DPYD: variants seen among roughly 807,000 people sequenced by gnomAD.
The protein encoded by DPYD is dihydropyrimidine dehydrogenase [NADP(+)].
DPYD carries 109 observed loss-of-function variants against 116.2 expected under a neutral mutation model. The observed-to-expected ratio is 0.94, with a 90% CI of 0.80 to 1.10. The LOEUF is 1.10. Among genes scored for constraint, DPYD ranks in the 50% least tolerant of loss-of-function variants. DPYD has a pLI of 0.00. For missense variants in DPYD, 1,302 were observed against 1,254.5 expected, an observed-to-expected ratio of 1.04 and a Z score of -0.57; for synonymous variants, 440 against 432.0, an observed-to-expected ratio of 1.02 and a Z score of -0.23.
chr1:97,347,297 A>G (rs1669908176), intron 16 of DPYD, among the ~76,000 whole-genome samples: 1 of 151,962 alleles, frequency 6.6e-6, no homozygotes, highest in South Asian at 2.1e-4. Flanking sequence ...GTTCCTTCCT[A>G]TTCACAATTT....
intron 20 of DPYD, among the ~76,000 whole-genome samples, chr1:97,176,884 G>GTGTGTT (rs1311013223): frequency 7.6e-6 from 1 of 131,776 alleles, no homozygotes; most frequent in Non-Finnish European, 1.6e-5. Flanking sequence ...GTGTGTGTGT[G>GTGTGTT]TGTGTGTGTG....
At chr1:97,919,719 C>T (rs578156550) in intron 1 of DPYD, among the ~76,000 whole-genome samples, 1 of 152,182 alleles carries the variant, frequency 6.6e-6, no homozygotes, top group South Asian at 2.1e-4. Context: ...TATCATATTG[C>T]TCAATATCAA....
intron 20 of DPYD, among the ~76,000 whole-genome samples, chr1:97,116,907 G>A (rs1008240278): frequency 6.6e-6 from 1 of 151,534 alleles, no homozygotes; most frequent in African/African-American, 2.4e-5. Flanking sequence ...CTAGCACTTC[G>A]GGAGGCCGAG....
chr1:97,279,296 GA>G (rs373630909), intron 18 of DPYD, among the ~76,000 whole-genome samples: 160 of 151,838 alleles, frequency 1.1e-3, no homozygotes, highest in African/African-American at 3.6e-3. Context: ...TGACTTAGTA[GA>G]AAAAAAAGAA....
intron 8 of DPYD, among the ~76,000 whole-genome samples, chr1:97,647,153 T>C (rs1019923484): frequency 6.6e-6 from 1 of 152,080 alleles, no homozygotes; most frequent in African/African-American, 2.4e-5. Context: ...CCTAAAAAAA[T>C]GCATTTTTTG....
chr1:97,571,187 C>G (rs1366617799), intron 11 of DPYD, among the ~76,000 whole-genome samples: 1 of 151,714 alleles, frequency 6.6e-6, no homozygotes, highest in Non-Finnish European at 1.5e-5. Flanking sequence ...AAGTAAAAAG[C>G]TAGAGGAAGA....
At chr1:97,664,403 A>G (rs1407984109) in intron 8 of DPYD, among the ~76,000 whole-genome samples, 2 of 151,952 alleles carry the variant, frequency 1.3e-5, no homozygotes, top group Non-Finnish European at 2.9e-5. Flanking sequence ...GTGTACATAT[A>G]TATGTATAGC....
chr1:97,245,282 G>A (rs1662640858), intron 18 of DPYD, among the ~76,000 whole-genome samples: 3 of 152,060 alleles, frequency 2.0e-5, no homozygotes, highest in Non-Finnish European at 4.4e-5. Flanking sequence ...CAATTAGTCT[G>A]CAATATCACC....
chr1:97,545,665 GCAGGAGGTAAGATTAAAAA>G, intron 12 of DPYD: 1 of 670,960 alleles, frequency 1.5e-6, no homozygotes, highest in Non-Finnish European at 2.6e-6. Flanking sequence ...GAGTTACACA[GCAGGAGGTAAGATTAAAAA>G]CTGTGAAACT....
intron 7 of DPYD, among the ~76,000 whole-genome samples, chr1:97,687,433 A>T (rs1264024526): frequency 1.3e-5 from 2 of 152,182 alleles, no homozygotes; most frequent in African/African-American, 4.8e-5. Flanking sequence ...ATGAGATACC[A>T]TTTCACACCA....
At chr1:97,295,059 A>C (rs1357214836) in intron 18 of DPYD, among the ~76,000 whole-genome samples, 1 of 152,214 alleles carries the variant, frequency 6.6e-6, no homozygotes, top group Non-Finnish European at 1.5e-5. Context: ...AATGCCTAAA[A>C]GTTCATTTTG....
At chr1:97,200,165 T>C (rs561929998) in intron 19 of DPYD, among the ~76,000 whole-genome samples, 3 of 152,150 alleles carry the variant, frequency 2.0e-5, no homozygotes, top group East Asian at 3.9e-4. Flanking sequence ...AAAATAGAGA[T>C]CTTGATCTAT....
intron 2 of DPYD, among the ~76,000 whole-genome samples, chr1:97,851,739 G>A (rs1670579424): frequency 6.6e-6 from 1 of 151,372 alleles, no homozygotes; most frequent in Admixed American, 6.6e-5. Context: ...TGGGCTCTAG[G>A]CTCTAAACAA....
At chr1:97,696,332 T>C (rs1029104629) in intron 6 of DPYD, among the ~76,000 whole-genome samples, 3 of 152,072 alleles carry the variant, frequency 2.0e-5, no homozygotes, top group African/African-American at 7.2e-5. Flanking sequence ...ATCATTGATA[T>C]GAAGTTTATA....
chr1:97,687,011 C>G (rs1255557076), intron 7 of DPYD, among the ~76,000 whole-genome samples: 1 of 152,118 alleles, frequency 6.6e-6, no homozygotes, highest in East Asian at 1.9e-4. Context: ...TGGCTCATGT[C>G]TGTAATCCCA....
At chr1:97,201,125 T>C (rs762121563) in intron 19 of DPYD, among the ~76,000 whole-genome samples, 2 of 152,196 alleles carry the variant, frequency 1.3e-5, no homozygotes, top group Non-Finnish European at 2.9e-5. Flanking sequence ...TAAACAAGCA[T>C]ATATGTATAA....
At chr1:97,686,409 G>A (rs1249193800) in intron 7 of DPYD, among the ~76,000 whole-genome samples, 1 of 151,528 alleles carries the variant, frequency 6.6e-6, no homozygotes, top group East Asian at 1.9e-4. Context: ...GGCCGAGGCG[G>A]GCGGATCACG....
intron 14 of DPYD, among the ~76,000 whole-genome samples, chr1:97,435,629 C>A (rs950549586): frequency 6.6e-6 from 1 of 151,756 alleles, no homozygotes; most frequent in Non-Finnish European, 1.5e-5. Flanking sequence ...AAAAGAAAAG[C>A]AGTCATTAAA....
At chr1:97,460,503 AC>A (rs1676955917) in intron 13 of DPYD, among the ~76,000 whole-genome samples, 1 of 152,056 alleles carries the variant, frequency 6.6e-6, no homozygotes, top group South Asian at 2.1e-4. Flanking sequence ...AAAAAACGAC[AC>A]CCTGAAGTAT....
Sources: allele counts gnomAD v4.1 joint callset (sites outside exome capture counted in the v4.1 genomes callset), GRCh38; gene constraint gnomAD v4.1.1; transcripts MANE v1.5; gene names NCBI Gene and HGNC (gene_info 2026-07-23, HGNC 2026-07-21).